Variants in TRABD2B observed in about 807,000 individuals in gnomAD.
The protein encoded by TRABD2B is TraB domain containing 2B.
Under a neutral mutation model 40.1 loss-of-function variants are expected in TRABD2B, and 14 were observed. The ratio of observed to expected loss-of-function variants is 0.35; its 90% CI spans 0.23 to 0.55. TRABD2B has a LOEUF of 0.55. Ranked by LOEUF, TRABD2B falls within the 20% of genes least tolerant of loss-of-function variation. The pLI is 0.90. For missense variants in TRABD2B, 541 were observed against 648.6 expected (o/e 0.83, Z 1.80); for synonymous variants, 263 against 277.0 (o/e 0.95, Z 0.50).
At chr1:47,798,776 C>T (rs565173794) in intron 3 of TRABD2B, among the ~76,000 whole-genome samples, 3 of 152,320 alleles carry the variant, frequency 2.0e-5, no homozygotes, top group East Asian at 3.9e-4. Flanking sequence ...CAGGCAAAGG[C>T]ACTGTGGCCC....
rs563102241 is a variant in TRABD2B at position 47,844,104 on chromosome 1, G to T, written c.667-42485C>A. Among the ~76,000 whole-genome samples the T allele has an allele frequency of 3.9e-5, 6 of 152,282 alleles. No homozygotes were observed. In the South Asian group the frequency reaches 1.2e-3, roughly 32 times the overall value. Reference sequence around the variant, plus strand: ...GTGCACTGTGTTTGCTTAGAGTTTGGGTGCAGCAACCAGTTAATTACTCAA... The same window carrying T: ...GTGCACTGTGTTTGCTTAGAGTTTGTGTGCAGCAACCAGTTAATTACTCAA... On this transcript the variant is annotated intron_variant, in intron 2 of 6. Coordinates refer to ENST00000606738, the MANE Select transcript of TRABD2B (RefSeq NM_001194986.2).
At chr1:47,979,043 G>A (rs1411025454) in intron 2 of TRABD2B, among the ~76,000 whole-genome samples, 4 of 152,096 alleles carry the variant, frequency 2.6e-5, no homozygotes, top group South Asian at 2.1e-4. Flanking sequence ...GCCGCACCAG[G>A]AGTCGGTCAG....
chr1:47,926,974 C>T (rs1222291180), intron 2 of TRABD2B, among the ~76,000 whole-genome samples: 1 of 152,210 alleles, frequency 6.6e-6, no homozygotes, highest in Non-Finnish European at 1.5e-5. Flanking sequence ...CAAGTCCATG[C>T]AGCATACATC....
intron 2 of TRABD2B, among the ~76,000 whole-genome samples, chr1:47,934,594 T>A (rs1021757224): frequency 3.9e-5 from 6 of 152,214 alleles, no homozygotes; most frequent in African/African-American, 1.4e-4. Flanking sequence ...AATTTATTGT[T>A]TCTGCTCTAA....
chr1:47,819,166 G>A (rs748491279), intron 2 of TRABD2B: 2 of 152,284 alleles, frequency 1.3e-5, no homozygotes, highest in African/African-American at 2.4e-5. Flanking sequence ...CAGGGCCAGC[G>A]GCCACCCTGC....
At chr1:47,792,553 G>A (rs1325678735) in intron 4 of TRABD2B, among the ~76,000 whole-genome samples, 1 of 152,196 alleles carries the variant, frequency 6.6e-6, no homozygotes, top group Non-Finnish European at 1.5e-5. Context: ...TTTGGAGATG[G>A]GAGAAGCTGG....
intron 2 of TRABD2B, among the ~76,000 whole-genome samples, chr1:47,865,919 G>T (rs1046841223): frequency 1.6e-4 from 24 of 152,132 alleles, no homozygotes; most frequent in African/African-American, 5.1e-4. Context: ...ATTCTCTGTT[G>T]CCCAGACAGG....
intron 2 of TRABD2B, among the ~76,000 whole-genome samples, chr1:47,875,824 C>T (rs552663801): frequency 6.6e-6 from 1 of 151,580 alleles, no homozygotes; most frequent in South Asian, 2.1e-4. Flanking sequence ...CTGATCCTGG[C>T]CCCCAGGTGA....
intron 2 of TRABD2B, among the ~76,000 whole-genome samples, chr1:47,918,404 T>C (rs1394800861): frequency 2.6e-5 from 4 of 152,174 alleles, no homozygotes; most frequent in Non-Finnish European, 4.4e-5. Flanking sequence ...CCGAGTTACA[T>C]GCTATTAGCC....
intron 2 of TRABD2B, among the ~76,000 whole-genome samples, chr1:47,914,704 G>A (rs965200247): frequency 2.0e-5 from 3 of 152,234 alleles, no homozygotes; most frequent in Non-Finnish European, 1.5e-5. Flanking sequence ...TCCATAGAAA[G>A]AGCTGGTCCA....
chr1:47,780,284 C>T (rs1287927470), intron 4 of TRABD2B, among the ~76,000 whole-genome samples: 4 of 152,200 alleles, frequency 2.6e-5, no homozygotes, highest in Non-Finnish European at 5.9e-5. Context: ...CTCTAATGCC[C>T]TCAGTTTCTT....
intron 2 of TRABD2B, among the ~76,000 whole-genome samples, chr1:47,829,474 C>T (rs140132330): frequency 7.8e-4 from 119 of 152,230 alleles, no homozygotes; most frequent in Middle Eastern, 3.4e-3. Flanking sequence ...CTGTCGATGG[C>T]GTGCATAATC....
intron 2 of TRABD2B, among the ~76,000 whole-genome samples, chr1:47,973,417 A>G (rs1645709317): frequency 6.6e-6 from 1 of 152,264 alleles, no homozygotes; most frequent in African/African-American, 2.4e-5. Context: ...TAGATGATGT[A>G]ACCCGAAGAT....
At chr1:47,874,000 C>T (rs773610607) in intron 2 of TRABD2B, among the ~76,000 whole-genome samples, 21 of 152,144 alleles carry the variant, frequency 1.4e-4, no homozygotes, top group Non-Finnish European at 2.8e-4. Flanking sequence ...TGCCTCAAAG[C>T]TAACCATGGC....
rs1008024456 is a variant in TRABD2B at position 47,779,325 on chromosome 1, C to A, written c.989-781G>T. On this transcript the variant is annotated intron_variant, in intron 4 of 6. Coordinates refer to ENST00000606738, the MANE Select transcript of TRABD2B (RefSeq NM_001194986.2). ...ACCTACAGGAGGCAGAAACATAGAA[C>A]TGAACCCTCCAGAGGTGTGTGTGGG... Among the ~76,000 whole-genome samples the A allele has an allele frequency of 5.9e-5, 9 of 152,318 alleles. No individual in the cohort carries two copies. The East Asian group carries it at 1.7e-3, about 29-fold the overall frequency.
chr1:47,801,710 C>CAA, intron 2 of TRABD2B, 91 bp from the exon 3 acceptor site: 1 of 1,430,318 alleles, frequency 7.0e-7, no homozygotes, highest in Non-Finnish European at 9.3e-7. Context: ...GACTTCAGAG[C>CAA]AACAGGCCTG....
intron 2 of TRABD2B, among the ~76,000 whole-genome samples, chr1:47,927,192 T>C (rs1644981603): frequency 6.6e-6 from 1 of 152,184 alleles, no homozygotes; most frequent in Admixed American, 6.5e-5. Flanking sequence ...TAAGCTGGTC[T>C]TGGTGAAGGC....
At chr1:47,907,929 A>C (rs1275094420) in intron 2 of TRABD2B, among the ~76,000 whole-genome samples, 1 of 152,224 alleles carries the variant, frequency 6.6e-6, no homozygotes, top group Non-Finnish European at 1.5e-5. Context: ...GGGTGGAACA[A>C]AGAGAGGGAC....
At chr1:47,870,706 G>A (rs958740498) in intron 2 of TRABD2B, among the ~76,000 whole-genome samples, 1 of 152,170 alleles carries the variant, frequency 6.6e-6, no homozygotes, top group African/African-American at 2.4e-5. Context: ...TCTAGTGTGG[G>A]ACACAGACAT....
Sources: gnomAD v4.1 joint callset for allele counts (sites outside exome capture counted in the v4.1 genomes callset) on GRCh38, gnomAD v4.1.1 for gene constraint, MANE v1.5 for transcripts, NCBI Gene and HGNC (gene_info 2026-07-23, HGNC 2026-07-21) for gene names.